The following NAALADL2 variants were observed in gnomAD, a reference collection of about 807,000 sequenced individuals.
NAALADL2 encodes N-acetylated alpha-linked acidic dipeptidase like 2, also known as inactive N-acetylated-alpha-linked acidic dipeptidase-like protein 2.
NAALADL2 carries 76 observed loss-of-function variants against 87.2 expected under a neutral mutation model. That is an observed-to-expected ratio of 0.87 (90% CI 0.72 to 1.05). The LOEUF (loss-of-function observed/expected upper bound fraction) is 1.05, where lower values mean the gene tolerates loss of function less well. Ranked by LOEUF, NAALADL2 falls within the 50% of genes least tolerant of loss-of-function variation. The probability of loss-of-function intolerance (pLI) is 0.00; values close to 1 mark genes in which losing one functional copy is unlikely to be tolerated. For missense variants in NAALADL2, 1,089 were observed against 945.8 expected, an observed-to-expected ratio of 1.15 and a Z score of -1.99; for synonymous variants, 354 against 331.0, an observed-to-expected ratio of 1.07 and a Z score of -0.75.
intron 1 of NAALADL2, among the ~76,000 whole-genome samples, chr3:174,921,381 A>T (rs181383159): frequency 2.6e-5 from 4 of 152,220 alleles, no homozygotes; most frequent in African/African-American, 9.6e-5. Flanking sequence ...CGTGGCCTTT[A>T]TATGATTATG....
chr3:175,298,820 C>G (rs910805780), intron 4 of NAALADL2, among the ~76,000 whole-genome samples: 1 of 152,080 alleles, frequency 6.6e-6, no homozygotes, highest in Admixed American at 6.6e-5. Context: ...GGAAAATGTA[C>G]TTCTGTGAAA....
chr3:174,922,621 C>G (rs903323919), intron 1 of NAALADL2, among the ~76,000 whole-genome samples: 1 of 152,116 alleles, frequency 6.6e-6, no homozygotes. Flanking sequence ...TCTCTTTCAT[C>G]TCTCCAGTTT....
At chr3:175,722,435 G>A (rs1742363680) in intron 11 of NAALADL2, among the ~76,000 whole-genome samples, 1 of 152,094 alleles carries the variant, frequency 6.6e-6, no homozygotes, top group African/African-American at 2.4e-5. Flanking sequence ...CTAAGTAAAT[G>A]AGGTGGTTCA....
intron 1 of NAALADL2, among the ~76,000 whole-genome samples, chr3:174,911,524 G>C (rs767256594): frequency 6.6e-6 from 1 of 152,072 alleles, no homozygotes; most frequent in Non-Finnish European, 1.5e-5. Context: ...CCAGTGCACT[G>C]CCTGCTACAA....
intron 5 of NAALADL2, among the ~76,000 whole-genome samples, chr3:175,371,839 A>G (rs1766544387): frequency 6.6e-6 from 1 of 151,958 alleles, no homozygotes; most frequent in African/African-American, 2.4e-5. Flanking sequence ...GATAACCACT[A>G]AAATGGCTAT....
At chr3:175,121,017 C>T (rs546606056) in intron 2 of NAALADL2, among the ~76,000 whole-genome samples, 4 of 151,638 alleles carry the variant, frequency 2.6e-5, no homozygotes, top group East Asian at 3.9e-4. Flanking sequence ...CTGATGAGTC[C>T]CCCTTTTTGC....
intron 1 of NAALADL2, among the ~76,000 whole-genome samples, chr3:174,962,433 G>GTCATAGTGTCTATTACATATATATATA (rs1742245895): frequency 1.9e-5 from 1 of 52,242 alleles, no homozygotes. Flanking sequence ...ATATATATAT[G>GTCATAGTGTCTATTACATATATATATA]TATATTTTTA....
chr3:174,731,928 T>A (rs1732739625), intron 2 of NAALADL2, among the ~76,000 whole-genome samples: 1 of 152,072 alleles, frequency 6.6e-6, no homozygotes, highest in Admixed American at 6.6e-5. Flanking sequence ...ATATTTTAGG[T>A]TTGTGGGCCA....
chr3:174,589,001 T>G (rs932162230), intron 2 of NAALADL2, among the ~76,000 whole-genome samples: 2 of 152,122 alleles, frequency 1.3e-5, no homozygotes, highest in African/African-American at 4.8e-5. Context: ...CAGGCAGGCC[T>G]CCTTGAGCTG....
intron 3 of NAALADL2, among the ~76,000 whole-genome samples, chr3:174,786,324 G>A (rs956325723): frequency 7.9e-5 from 12 of 151,546 alleles, no homozygotes; most frequent in Admixed American, 6.6e-4. Flanking sequence ...GGTGGCATGC[G>A]CTTGTAGTCC....
intron 2 of NAALADL2, among the ~76,000 whole-genome samples, chr3:174,656,158 A>G (rs1724899071): frequency 6.6e-6 from 1 of 152,248 alleles, no homozygotes; most frequent in South Asian, 2.1e-4. Context: ...AATATCGGCT[A>G]CTGGAGGAAG....
intron 1 of NAALADL2, among the ~76,000 whole-genome samples, chr3:174,524,434 C>A (rs528392144): frequency 1.3e-5 from 2 of 152,296 alleles, no homozygotes; most frequent in East Asian, 3.9e-4. Flanking sequence ...TCACAATATA[C>A]TGTAGCCACA....
intron 5 of NAALADL2, among the ~76,000 whole-genome samples, chr3:175,439,385 A>G (rs1186963056): frequency 6.6e-6 from 1 of 151,742 alleles, no homozygotes; most frequent in Non-Finnish European, 1.5e-5. Flanking sequence ...ATAAAATGGT[A>G]GATATATTTT....
intron 2 of NAALADL2, among the ~76,000 whole-genome samples, chr3:175,228,666 A>T (rs986058182): frequency 6.6e-6 from 1 of 152,002 alleles, no homozygotes; most frequent in Non-Finnish European, 1.5e-5. Context: ...AGCAGTTCAT[A>T]GTTCTCCCAT....
chr3:174,962,383 T>TATATATATGTCATAGTGACTATGAC (rs1742186377), intron 1 of NAALADL2, among the ~76,000 whole-genome samples: 2 of 116,932 alleles, frequency 1.7e-5, no homozygotes, highest in African/African-American at 8.2e-5. Flanking sequence ...TATATATATA[T>TATATATATGTCATAGTGACTATGAC]ATATATATAT....
chr3:174,857,317 A>G (rs1482845627), upstream of NAALADL2, among the ~76,000 whole-genome samples: 3 of 152,138 alleles, frequency 2.0e-5, no homozygotes, highest in Non-Finnish European at 4.4e-5. Flanking sequence ...ATTCTTTTCT[A>G]CTCAATCAGT....
chr3:175,021,161 G>A (rs75101653), intron 1 of NAALADL2, among the ~76,000 whole-genome samples: 1 of 151,930 alleles, frequency 6.6e-6, no homozygotes, highest in Non-Finnish European at 1.5e-5. Flanking sequence ...AAGTTGTGAA[G>A]GTCTCCTGTG....
intron 1 of NAALADL2, among the ~76,000 whole-genome samples, chr3:174,946,852 A>G (rs1177631240): frequency 2.0e-5 from 3 of 152,184 alleles, no homozygotes; most frequent in Non-Finnish European, 4.4e-5. Context: ...TCTTATATTC[A>G]TTTATATTGA....
At chr3:174,865,928 C>T (rs1219068610) in intron 1 of NAALADL2, among the ~76,000 whole-genome samples, 1 of 151,746 alleles carries the variant, frequency 6.6e-6, no homozygotes. Context: ...TTGCTATAGG[C>T]TATAAATAAA....
Sources: allele counts gnomAD v4.1 joint callset (sites outside exome capture counted in the v4.1 genomes callset), GRCh38; gene constraint gnomAD v4.1.1; transcripts MANE v1.5; gene names NCBI Gene and HGNC (gene_info 2026-07-23, HGNC 2026-07-21).